Variants in GARIN4 observed in about 807,000 individuals in gnomAD.
GARIN4 encodes the protein golgi associated RAB2 interactor family member 4, also known as Golgi-associated RAB2 interactor protein 4.
At chr1:212,625,789 C>G in the GARIN4 span, 1 of 1,614,042 alleles carries the variant, frequency 6.2e-7, no homozygotes, top group Non-Finnish European at 8.5e-7. Context: ...CCAATTCTGC[C>G]CCTGGACAGG....
At chr1:212,626,128 T>C in the GARIN4 span, 156 of 1,613,722 alleles carry the variant, frequency 9.7e-5, no homozygotes, top group Middle Eastern at 1.6e-4. Context: ...AGGCCAGCGC[T>C]GAAGGCTGCA....
At chr1:212,625,953 C>A in the GARIN4 span, 3 of 1,614,260 alleles carry the variant, frequency 1.9e-6, no homozygotes, top group Non-Finnish European at 2.5e-6. Flanking sequence ...TCCAGCGCAT[C>A]CATGAGCCTT....
the GARIN4 span, chr1:212,625,815 C>G: frequency 6.2e-7 from 1 of 1,614,204 alleles, no homozygotes; most frequent in Non-Finnish European, 8.5e-7. Flanking sequence ...GCAGCCATAG[C>G]TGGGGCGGCC....
the GARIN4 span, chr1:212,626,086 C>A: frequency 1.2e-6 from 2 of 1,614,128 alleles, no homozygotes; most frequent in South Asian, 2.2e-5. Context: ...GCAAGAGCAG[C>A]CTGAGTGGAC....
At chr1:212,626,100 A>G in the GARIN4 span, 1 of 1,614,152 alleles carries the variant, frequency 6.2e-7, no homozygotes, top group East Asian at 2.2e-5. Context: ...AGTGGACAGC[A>G]TGGAAGGGAG....
chr1:212,625,878 G>A, the GARIN4 span: 4 of 1,614,256 alleles, frequency 2.5e-6, no homozygotes, highest in Non-Finnish European at 3.4e-6. Context: ...GGCACTGCCA[G>A]CATGGCTCCA....
chr1:212,626,410 C>T, the GARIN4 span: 4 of 1,614,174 alleles, frequency 2.5e-6, no homozygotes, highest in East Asian at 4.5e-5. Context: ...CTGGGAGGAG[C>T]TTATGGACCA....
the GARIN4 span, chr1:212,624,791 G>A: frequency 5.5e-6 from 8 of 1,447,506 alleles, no homozygotes; most frequent in Admixed American, 2.8e-5. Flanking sequence ...TGACCCAGGA[G>A]CACCACTGGT....
At chr1:212,625,008 C>T in the GARIN4 span, 30 of 1,614,082 alleles carry the variant, frequency 1.9e-5, no homozygotes, top group East Asian at 2.7e-4. Context: ...AAGTATGCAC[C>T]GATATTTGAG....
chr1:212,625,955 A>G, the GARIN4 span: 4 of 1,614,266 alleles, frequency 2.5e-6, no homozygotes, highest in African/African-American at 1.3e-5. Flanking sequence ...CAGCGCATCC[A>G]TGAGCCTTTC....
chr1:212,624,927 G>A, the GARIN4 span: 1 of 1,613,234 alleles, frequency 6.2e-7, no homozygotes, highest in African/African-American at 1.3e-5. Context: ...AGTGGCTCCA[G>A]CATGAGCATG....
chr1:212,625,047 G>A, the GARIN4 span: 4 of 1,614,166 alleles, frequency 2.5e-6, no homozygotes, highest in East Asian at 2.2e-5. Flanking sequence ...ACCAAAAGGG[G>A]AGAAGTGATT....
chr1:212,624,753 T>G, the GARIN4 span: 3 of 1,429,890 alleles, frequency 2.1e-6, no homozygotes, highest in Non-Finnish European at 2.7e-6. Flanking sequence ...GGGGTGGGAT[T>G]GAGAGACCAG....
chr1:212,624,735 TGTGGG>T, the GARIN4 span: 1 of 1,410,228 alleles, frequency 7.1e-7, no homozygotes. Flanking sequence ...AGTGGGGGCC[TGTGGG>T]GTGGGGTGGG....
chr1:212,626,612 G>C, the GARIN4 span: 1 of 1,613,436 alleles, frequency 6.2e-7, no homozygotes, highest in Non-Finnish European at 8.5e-7. Flanking sequence ...GGAGACGGTT[G>C]GTTCTATGAC....
the GARIN4 span, chr1:212,626,646 C>A: frequency 6.2e-7 from 1 of 1,601,280 alleles, no homozygotes; most frequent in Admixed American, 1.7e-5. Context: ...GAGACAGTGA[C>A]CTTTGAAGCC....
chr1:212,624,667 C>T, the GARIN4 span: 4 of 825,900 alleles, frequency 4.8e-6, no homozygotes, highest in South Asian at 2.3e-5. Flanking sequence ...CAGCACCCCC[C>T]ACAGCAATCA....
chr1:212,625,190 A>G, the GARIN4 span: 1 of 1,613,986 alleles, frequency 6.2e-7, no homozygotes, highest in South Asian at 1.1e-5. Flanking sequence ...TGGCCAGGCC[A>G]CCAAGAGAAA....
the GARIN4 span, chr1:212,625,821 C>T: frequency 2.0e-5 from 33 of 1,614,042 alleles, no homozygotes; most frequent in Admixed American, 8.3e-5. Context: ...ATAGCTGGGG[C>T]GGCCACCATC....
Sources: allele counts gnomAD v4.1 joint callset, GRCh38; gene constraint gnomAD v4.1.1; transcripts MANE v1.5; gene names NCBI Gene and HGNC (gene_info 2026-07-23, HGNC 2026-07-21).